Variants in KDM6A observed in about 807,000 individuals in gnomAD.
KDM6A encodes the protein lysine demethylase 6A, also known as lysine-specific demethylase 6A.
A neutral mutation model predicts 117.6 loss-of-function variants in KDM6A; 11 were observed. That is an observed-to-expected ratio of 0.09 (90% CI 0.06 to 0.15). The LOEUF is 0.15. Ranked by LOEUF, KDM6A falls within the 10% of genes least tolerant of loss-of-function variation. The pLI is 1.00. For missense variants in KDM6A, 799 were observed against 1,077.3 expected (o/e 0.74, Z 3.62); for synonymous variants, 384 against 396.1 (o/e 0.97, Z 0.36).
chrX:44,875,119 G>GT, intron 2 of KDM6A, among the ~76,000 whole-genome samples: 1 of 112,318 alleles, frequency 8.9e-6, no homozygotes, highest in East Asian at 2.8e-4. Context: ...AAGTTGGAGT[G>GT]TGTGCTATGG....
In KDM6A at chrX:44,873,272, TCCCGCCGTC is replaced by T. The variant is rs937573583; in HGVS notation, c.-273_-265del. 6 of 339,256 alleles carry T rather than the reference TCCCGCCGTC, an allele frequency of 1.8e-5. No homozygotes were observed. The highest frequency in any genetic ancestry group is 1.1e-4 in the African/African-American group (4 of 35,676). The allele number at this position is 339,256 out of a possible 1,213,427, so 28.0% of individuals were successfully genotyped here. ...CCCCAGCCCCGCGCGCTCCGGCCGT[TCCCGCCGTC>T]CCCGCCTGTGGCTGCCCCCTGCCCA... On this transcript the variant is annotated 5_prime_UTR_variant, in exon 1 of 30. Transcript: ENST00000611820.
At chrX:45,071,984 A>T (rs1203983451) in intron 18 of KDM6A, among the ~76,000 whole-genome samples, 1 of 111,337 alleles carries the variant, frequency 9.0e-6, no homozygotes, top group Non-Finnish European at 1.9e-5. Flanking sequence ...CATGTTGGTC[A>T]GGCTGGTCTT....
chrX:45,070,878 G>A (rs958892885), intron 18 of KDM6A, among the ~76,000 whole-genome samples: 38 of 110,993 alleles, frequency 3.4e-4, no homozygotes, highest in African/African-American at 1.2e-3. Context: ...ATGGGCAGTG[G>A]AGAGACATGA....
At chrX:44,880,033 C>T (rs928742307) in intron 2 of KDM6A, among the ~76,000 whole-genome samples, 6 of 109,056 alleles carry the variant, frequency 5.5e-5, no homozygotes, top group South Asian at 4.0e-4. Context: ...ATTAGCCGGG[C>T]GTGGTGGCGT....
chrX:44,945,439 C>T (rs891127797), intron 2 of KDM6A, among the ~76,000 whole-genome samples: 2 of 110,024 alleles, frequency 1.8e-5, no homozygotes, highest in Non-Finnish European at 3.8e-5. Flanking sequence ...AAGCAGAAGT[C>T]CGAAGACTTA....
intron 3 of KDM6A, among the ~76,000 whole-genome samples, chrX:44,966,869 CTTT>C (rs1228583337): frequency 1.1e-5 from 1 of 88,918 alleles, no homozygotes; most frequent in Non-Finnish European, 2.2e-5. Context: ...CTCTCTCTCT[CTTT>C]TTTTTTTTTT....
At chrX:45,054,849 A>G (rs1171677614) in intron 10 of KDM6A, among the ~76,000 whole-genome samples, 1 of 111,599 alleles carries the variant, frequency 9.0e-6, no homozygotes, top group Non-Finnish European at 1.9e-5. Flanking sequence ...GGGGCAGGCT[A>G]TTTTGCCACT....
intron 2 of KDM6A, among the ~76,000 whole-genome samples, chrX:44,960,821 C>T (rs1198920125): frequency 9.0e-6 from 1 of 111,092 alleles, no homozygotes; most frequent in African/African-American, 3.3e-5. Context: ...GGCAAAAAGT[C>T]AGTAAAAGCA....
At chrX:45,023,428 C>A (rs976326031) in intron 6 of KDM6A, among the ~76,000 whole-genome samples, 2 of 111,392 alleles carry the variant, frequency 1.8e-5, no homozygotes, top group African/African-American at 6.5e-5. Context: ...AACTTTCTCA[C>A]AAAATGTGTC....
intron 25 of KDM6A, among the ~76,000 whole-genome samples, chrX:45,086,631 A>G: frequency 9.0e-6 from 1 of 111,484 alleles, no homozygotes; most frequent in Non-Finnish European, 1.9e-5. Flanking sequence ...GAACTTGGAT[A>G]GTTCCTTTCC....
chrX:44,989,953 A>C (rs916319736), intron 4 of KDM6A, among the ~76,000 whole-genome samples: 1 of 111,764 alleles, frequency 8.9e-6, no homozygotes, highest in Admixed American at 9.5e-5. Flanking sequence ...ATAATCTTTT[A>C]TATAAAAATC....
intron 2 of KDM6A, among the ~76,000 whole-genome samples, chrX:44,936,273 T>C (rs1195280730): frequency 9.0e-6 from 1 of 111,076 alleles, no homozygotes; most frequent in Non-Finnish European, 1.9e-5. Flanking sequence ...GACAAGCGCC[T>C]CCTTTCAGGA....
intron 17 of KDM6A, among the ~76,000 whole-genome samples, chrX:45,067,653 G>GTTTTTTTTTTT (rs1192862756): frequency 1.2e-5 from 1 of 83,304 alleles, no homozygotes; most frequent in Non-Finnish European, 2.3e-5. Context: ...TCTTTTTTTT[G>GTTTTTTTTTTT]TTTTTTTTTT....
chrX:45,065,490 G>A (rs986168790), intron 17 of KDM6A, among the ~76,000 whole-genome samples: 1 of 112,027 alleles, frequency 8.9e-6, no homozygotes, highest in Admixed American at 9.5e-5. Flanking sequence ...TAGACTGAAA[G>A]AGGCAAAAGT....
intron 6 of KDM6A, among the ~76,000 whole-genome samples, chrX:45,034,696 AAATT>A (rs748935828): frequency 2.0e-3 from 219 of 112,263 alleles, no homozygotes; most frequent in African/African-American, 6.7e-3. Flanking sequence ...TAACTTGATA[AAATT>A]AATTCTTTTT....
At chrX:44,875,350 A>G (rs1255605976) in intron 2 of KDM6A, among the ~76,000 whole-genome samples, 4 of 112,044 alleles carry the variant, frequency 3.6e-5, no homozygotes, top group Non-Finnish European at 7.5e-5. Flanking sequence ...ATTTCAAAGT[A>G]ATTATAAGGT....
chrX:45,027,017 T>G (rs1350472707), intron 6 of KDM6A, among the ~76,000 whole-genome samples: 1 of 111,122 alleles, frequency 9.0e-6, no homozygotes, highest in Non-Finnish European at 1.9e-5. Context: ...AATGAAAGTT[T>G]AGGGCTGGGC....
chrX:45,043,092 C>T (rs766836924), intron 8 of KDM6A, among the ~76,000 whole-genome samples: 3 of 111,429 alleles, frequency 2.7e-5, no homozygotes, highest in Non-Finnish European at 5.6e-5. Context: ...GAGTTCCAGA[C>T]CAGCCTGGGC....
At chrX:45,009,913 C>CAA (rs1229239687) in intron 4 of KDM6A, among the ~76,000 whole-genome samples, 1 of 111,732 alleles carries the variant, frequency 8.9e-6, no homozygotes, top group Non-Finnish European at 1.9e-5. Flanking sequence ...ACTACTTGTA[C>CAA]AAAAACCTTT....
Sources: gnomAD v4.1 joint callset for allele counts (sites outside exome capture counted in the v4.1 genomes callset) on GRCh38, gnomAD v4.1.1 for gene constraint, MANE v1.5 for transcripts, NCBI Gene and HGNC (gene_info 2026-07-23, HGNC 2026-07-21) for gene names.